The following INSR variants were observed in gnomAD, a reference collection of about 807,000 sequenced individuals.
INSR encodes IR.
INSR carries 67 observed loss-of-function variants against 142.6 expected under a neutral mutation model. The ratio of observed to expected loss-of-function variants is 0.47; its 90% confidence interval spans 0.39 to 0.58. The LOEUF is 0.58. INSR is among the 20% of genes least tolerant of loss of function. The probability of loss-of-function intolerance (pLI) is 0.00; values close to 1 mark genes in which losing one functional copy is unlikely to be tolerated. For synonymous variants in INSR, 756 were observed against 743.1 expected (o/e 1.02, Z -0.28); for missense variants, 1,248 against 1,833.2 (o/e 0.68, Z 5.83).
chr19:7,153,073 CAT>C lies in INSR; in HGVS notation c.2030-148_2030-147del, dbSNP rs1973439471. ...CCCCCCCACACACACACACCACACACATCACACAACACACCACACATACACAC... is the reference window on the plus strand; with the variant it reads ...CCCCCCCACACACACACACCACACACCACACAACACACCACACATACACAC... On this transcript the variant is annotated intron_variant, in intron 9 of 21. Coordinates refer to ENST00000302850, the MANE Select transcript of INSR (RefSeq NM_000208.4). 8.4e-6 allele frequency: 4 copies of C among 474,070 alleles called. No individual in the cohort carries two copies. The African/African-American group carries it at 1.2e-4, about 15-fold the overall frequency. The allele number at this position is 474,070 out of a possible 1,614,324, so 29.4% of individuals were successfully genotyped here. A position where few individuals can be genotyped will look rare whatever the true frequency, so the allele number is the denominator to read the frequency against.
intron 1 of INSR, among the ~76,000 whole-genome samples, chr19:7,285,243 G>A (rs1600132354): frequency 6.6e-6 from 1 of 152,068 alleles, no homozygotes; most frequent in Admixed American, 6.6e-5. Context: ...TTGAAGCCAG[G>A]AGTTTGAGAC....
At chr19:7,289,365 T>C (rs1477396323) in intron 1 of INSR, among the ~76,000 whole-genome samples, 1 of 150,538 alleles carries the variant, frequency 6.6e-6, no homozygotes, top group African/African-American at 2.4e-5. Context: ...GTTTAGAGGC[T>C]GAAAAAGCAC....
chr19:7,187,745 T>C (rs779528626), intron 2 of INSR, among the ~76,000 whole-genome samples: 3 of 151,478 alleles, frequency 2.0e-5, no homozygotes, highest in Non-Finnish European at 4.4e-5. Context: ...GCTAAGTGTT[T>C]AATTTTTTGT....
rs759040397 is a variant in INSR at position 7,267,434 on chromosome 19, C to G, written c.563G>C (p.Gly188Ala). Residue 188 changes from glycine to alanine, a missense_variant, in exon 2 of 22, where the codon GGT becomes GCT. By Grantham distance (60) the Gly-to-Ala change is moderately conservative. This residue lies in a region of INSR where 1,069 missense variants were observed against 1,654.0 expected (regional missense o/e 0.65). Coordinates refer to ENST00000302850, the MANE Select transcript of INSR (RefSeq NM_000208.4). The surrounding 1 kb of genome is among the most constrained non-coding windows in gnomAD (Gnocchi z 6.3). Reference sequence around the variant, plus strand: ...GCAGTTGGTCTTGCCCTTCGCGGTACCCGGACAGATGTCTCCACACTCCTC... The same window carrying G: ...GCAGTTGGTCTTGCCCTTCGCGGTAGCCGGACAGATGTCTCCACACTCCTC... Reference protein sequence around the residue: ...DNEECGDICPGTAKGKTNCPA... With the variant: ...DNEECGDICPATAKGKTNCPA... 1 of 1,614,136 alleles carries G rather than the reference C, an allele frequency of 6.2e-7. No homozygotes were observed. The highest frequency in any genetic ancestry group is 8.5e-7 in the Non-Finnish European group (1 of 1,180,034).
At chr19:7,260,340 G>A (rs564042781) in intron 2 of INSR, among the ~76,000 whole-genome samples, 6 of 152,204 alleles carry the variant, frequency 3.9e-5, no homozygotes, top group South Asian at 2.1e-4. Flanking sequence ...CCCTCTGGCC[G>A]GCAGTGAGCA....
chr19:7,154,544 T>C (rs1397100827), intron 9 of INSR, among the ~76,000 whole-genome samples: 4 of 150,732 alleles, frequency 2.7e-5, no homozygotes, highest in South Asian at 2.1e-4. Context: ...CCTCGTGATC[T>C]GCCCGCCTTG....
At position 7,152,456 on chromosome 19, in the gene INSR, G is replaced by A. The variant is rs528062421; in HGVS notation, c.2231+270C>T. On this transcript the variant is annotated intron_variant, in intron 10 of 21. Transcript: ENST00000302850. ...CGGAGTTTGTTTTGGAACTCACGTG[G>A]AGACCAGCTCAGGAGAGGTAAGAAA... 7.9e-6 allele frequency: 4 copies of A among 508,228 alleles called. No homozygotes were observed. The Admixed American group carries it at 9.6e-5, about 12-fold the overall frequency. 31.5% of individuals were successfully genotyped at this position (508,228 alleles called of 1,614,324 possible).
intron 9 of INSR, among the ~76,000 whole-genome samples, chr19:7,154,301 T>G (rs866796043): frequency 3.6e-5 from 2 of 55,658 alleles, no homozygotes; most frequent in Admixed American, 1.9e-4. Flanking sequence ...CCACAATTAC[T>G]TTTTTTTTTT....
chr19:7,123,422 G>C (rs1356837463), intron 17 of INSR, among the ~76,000 whole-genome samples: 2 of 151,836 alleles, frequency 1.3e-5, no homozygotes, highest in Admixed American at 1.3e-4. Flanking sequence ...GCCTGCCTCA[G>C]CCTCCCAAAG....
intron 2 of INSR, among the ~76,000 whole-genome samples, chr19:7,191,228 C>T (rs977695939): frequency 2.0e-5 from 3 of 151,050 alleles, no homozygotes; most frequent in African/African-American, 4.9e-5. Context: ...ACCCGGGAGG[C>T]GGGGGTTGCA....
At chr19:7,260,271 C>T (rs962125457) in intron 2 of INSR, among the ~76,000 whole-genome samples, 3 of 152,140 alleles carry the variant, frequency 2.0e-5, no homozygotes, top group African/African-American at 7.2e-5. Flanking sequence ...TGCCGACGTC[C>T]ATATGTGGCA....
In INSR at chr19:7,166,749, G is replaced by T. The variant is rs1037254327; in HGVS notation, c.1611-345C>A. On this transcript the variant is annotated intron_variant, in intron 7 of 21. Coordinates refer to ENST00000302850, the MANE Select transcript of INSR (RefSeq NM_000208.4). The surrounding 1 kb of genome is among the most constrained non-coding windows in gnomAD (Gnocchi z 4.1). ...AGCCTGGCCAACATGGTGAAACCCC[G>T]TCTCTACTAAAAATACAAAAATTAT... 6.6e-6 allele frequency among the ~76,000 whole-genome samples: 1 copy of T among 151,832 alleles called. No homozygotes were observed. Among genetic ancestry groups the T allele is most frequent in the Non-Finnish European group, 1.5e-5 (1 of 67,950 alleles).
intron 2 of INSR, among the ~76,000 whole-genome samples, chr19:7,254,562 T>C (rs1234964509): frequency 6.6e-6 from 1 of 151,312 alleles, no homozygotes; most frequent in Non-Finnish European, 1.5e-5. Flanking sequence ...AATAAAAAAG[T>C]AGAGAGGGAA....
At chr19:7,130,797 T>C (rs1031733158) in intron 14 of INSR, among the ~76,000 whole-genome samples, 1 of 151,918 alleles carries the variant, frequency 6.6e-6, no homozygotes, top group East Asian at 1.9e-4. Flanking sequence ...TCTTCTTTCT[T>C]TTTCTTTCTT....
chr19:7,265,533 G>C lies in INSR; in HGVS notation c.652+1812C>G, dbSNP rs867572712. Among the ~76,000 whole-genome samples, 5 of 152,178 alleles carry C rather than the reference G, an allele frequency of 3.3e-5. No individual in the cohort carries two copies. In the South Asian group the frequency reaches 8.3e-4, roughly 25 times the overall value. On this transcript the variant is annotated intron_variant, in intron 2 of 21. Coordinates refer to ENST00000302850, the MANE Select transcript of INSR (RefSeq NM_000208.4). The stretch of plus-strand genomic sequence containing the variant: ...AGGTGGGTGGATCACCTGAGAGTTC[G>C]AGACCAGCCTGGTCAACGTAGTGAA...
In INSR at chr19:7,237,267, C is replaced by T. The variant is rs371516741; in HGVS notation, c.652+30078G>A. Among the ~76,000 whole-genome samples, 13 of 152,016 alleles carry T rather than the reference C, an allele frequency of 8.6e-5. No individual in the cohort carries two copies. The East Asian group carries it at 1.9e-3, about 23-fold the overall frequency. ...GACGCGGTGGCTCACGCCTGTAATC[C>T]CAGCACATTAGGAGGCCAAGGCAGG... On this transcript the variant is annotated intron_variant, in intron 2 of 21. Coordinates refer to ENST00000302850, the MANE Select transcript of INSR (RefSeq NM_000208.4).
intron 15 of INSR, among the ~76,000 whole-genome samples, chr19:7,127,061 G>T (rs1232502020): frequency 6.6e-6 from 1 of 152,102 alleles, no homozygotes; most frequent in Non-Finnish European, 1.5e-5. Context: ...ACCACACCTG[G>T]CTAATTTGTA....
chr19:7,229,123 GTGAA>G (rs991402227), intron 2 of INSR, among the ~76,000 whole-genome samples: 2 of 150,336 alleles, frequency 1.3e-5, no homozygotes, highest in African/African-American at 4.9e-5. Flanking sequence ...GGATGGGTGA[GTGAA>G]TGGATGAAGG....
At position 7,152,855 on chromosome 19, in the gene INSR, T is replaced by TGTA. The variant is rs1568448680; in HGVS notation, c.2101_2102insTAC (p.Glu701delinsValGln). The TGTA allele has an allele frequency of 6.2e-7, 1 of 1,613,384 alleles. No homozygotes were observed. The highest frequency in any genetic ancestry group is 1.3e-5 in the African/African-American group (1 of 74,958). On this transcript the variant is annotated protein_altering_variant, in exon 10 of 22. Coordinates refer to ENST00000302850, the MANE Select transcript of INSR (RefSeq NM_000208.4). ...GCATTCGCCGGCCGAATCCTCATAC[T>TGTA]CACTCTGGTTGTGCTTCTGAGAATC...
Sources: allele counts gnomAD v4.1 joint callset (sites outside exome capture counted in the v4.1 genomes callset), GRCh38; gene constraint gnomAD v4.1.1; regional missense constraint gnomAD v4.1.1; non-coding constraint Gnocchi (gnomAD v3.1); transcripts MANE v1.5; gene names NCBI Gene and HGNC (gene_info 2026-07-23, HGNC 2026-07-21).